Variants in CCDC179 observed in about 807,000 individuals in gnomAD.
The protein encoded by CCDC179 is coiled-coil domain-containing protein 179.
CCDC179 carries 17 observed loss-of-function variants against 12.0 expected under a neutral mutation model. The ratio of observed to expected loss-of-function variants is 1.42; its 90% confidence interval spans 0.97 to 2.13. The LOEUF is 2.13. Among genes scored for constraint, CCDC179 ranks in the 30% most tolerant of loss-of-function variants. The pLI, the probability that CCDC179 is intolerant of heterozygous loss-of-function variation, is 0.00. For missense variants in CCDC179, 83 were observed against 78.6 expected, an observed-to-expected ratio of 1.06 and a Z score of -0.21; for synonymous variants, 27 against 26.4, an observed-to-expected ratio of 1.02 and a Z score of -0.07.
At chr11:22,857,714 T>A (rs1219769381) in intron 3 of CCDC179, among the ~76,000 whole-genome samples, 1 of 151,714 alleles carries the variant, frequency 6.6e-6, no homozygotes, top group African/African-American at 2.4e-5. Context: ...TCAAAGATAA[T>A]CCTCTTTTCA....
At chr11:22,850,962 A>ATTTTTTTTTTTTT (rs1858372777) in intron 3 of CCDC179, among the ~76,000 whole-genome samples, 1 of 6,720 alleles carries the variant, frequency 1.5e-4, no homozygotes, top group East Asian at 6.3e-3. Flanking sequence ...ATATATATAT[A>ATTTTTTTTTTTTT]TATATATATA....
At chr11:22,858,214 A>G in intron 2 of CCDC179, 188 bp from the exon 3 acceptor site, 1 of 422,314 alleles carries the variant, frequency 2.4e-6, no homozygotes, top group Non-Finnish European at 4.2e-6. Flanking sequence ...AGGTGAAGAA[A>G]ACCACATTGG....
intron 3 of CCDC179, among the ~76,000 whole-genome samples, chr11:22,850,977 T>TATATATTTTA (rs67952406): frequency 1.7e-4 from 1 of 5,740 alleles, no homozygotes; most frequent in African/African-American, 4.4e-4. Context: ...TATATATATA[T>TATATATTTTA]TTTTTTTTTT....
At position 22,857,952 on chromosome 11, in the gene CCDC179, C is replaced by T; in HGVS notation, c.165G>A (p.Arg55=). ...EKRRLNKRFS[R]PSPIPEPGLL... ...GTCCTGGTTCTGGAATAGGAGAAGGCCTTGAAAACCTTTTATTCAGTCTCC... is the reference window on the plus strand; with the variant it reads ...GTCCTGGTTCTGGAATAGGAGAAGGTCTTGAAAACCTTTTATTCAGTCTCC... The change falls in exon 3 of 4, where the codon AGG becomes AGA. Residue 55 remains arginine, a synonymous_variant. Transcript: ENST00000532798. 1 of 1,527,092 alleles carries T rather than the reference C, an allele frequency of 6.5e-7. No individual in the cohort carries two copies. Among genetic ancestry groups the T allele is most frequent in the South Asian group, 1.2e-5 (1 of 82,490 alleles). The allele number at this position is 1,527,092 out of a possible 1,614,324, so 94.6% of individuals were successfully genotyped here.
chr11:22,847,901 G>C (rs1464674333), intron 3 of CCDC179, among the ~76,000 whole-genome samples: 1 of 152,022 alleles, frequency 6.6e-6, no homozygotes, highest in Non-Finnish European at 1.5e-5. Flanking sequence ...TGTTAAATAA[G>C]GCTTTTATTT....
chr11:22,860,331 C>A, intron 1 of CCDC179, 46 bp downstream of exon 1: 1 of 1,529,908 alleles, frequency 6.5e-7, no homozygotes, highest in Non-Finnish European at 8.7e-7. Context: ...GCTCAAGGCA[C>A]AGGACAGAGT....
intron 3 of CCDC179, among the ~76,000 whole-genome samples, chr11:22,852,779 G>C (rs1223618568): frequency 6.6e-6 from 1 of 152,184 alleles, no homozygotes; most frequent in African/African-American, 2.4e-5. Context: ...CTGTTTAGCT[G>C]GCTCTATGTG....
intron 2 of CCDC179, among the ~76,000 whole-genome samples, chr11:22,858,645 T>G (rs552923327): frequency 6.6e-6 from 1 of 152,218 alleles, no homozygotes; most frequent in Non-Finnish European, 1.5e-5. Flanking sequence ...GAACAATTGC[T>G]TTGAAAACAG....
Position 22,857,999 on chromosome 11 carries a change from G to A in CCDC179, c.118C>T (p.Gln40Ter). 1.8e-5 allele frequency: 27 copies of A among 1,517,294 alleles called. No individual in the cohort carries two copies. The highest frequency in any genetic ancestry group is 2.4e-5 in the Non-Finnish European group (27 of 1,139,672). The allele number at this position is 1,517,294 out of a possible 1,614,324, so 94.0% of individuals were successfully genotyped here. Residue 40 changes from glutamine (Q) to a stop codon, truncating the protein, a stop_gained, in exon 3 of 4, where the codon CAA becomes TAA. Transcript: ENST00000532798. LOFTEE classifies it high-confidence loss of function. ...QLANKRIQNM[Q>*]HLKKEKRRLN... ...CTCCTCTTCTCTTTCTTTAGGTGTT[G>A]CATATTCTGAATACGTTTATTTGCA...
At chr11:22,856,388 G>A (rs774476166) in intron 3 of CCDC179, among the ~76,000 whole-genome samples, 23 of 151,410 alleles carry the variant, frequency 1.5e-4, no homozygotes, top group Non-Finnish European at 3.0e-4. Flanking sequence ...AATTCATCAC[G>A]TCAAAAGGCT....
intron 3 of CCDC179, among the ~76,000 whole-genome samples, chr11:22,847,976 T>G (rs1293861819): frequency 1.3e-5 from 2 of 152,172 alleles, no homozygotes; most frequent in Non-Finnish European, 1.5e-5. Context: ...AGTGTGTTTA[T>G]GTCTGAAAAT....
chr11:22,853,039 A>T (rs952106068), intron 3 of CCDC179, among the ~76,000 whole-genome samples: 1 of 152,344 alleles, frequency 6.6e-6, no homozygotes, highest in South Asian at 2.1e-4. Flanking sequence ...AGTCCCTAGC[A>T]AGACCAAAAA....
intron 1 of CCDC179, among the ~76,000 whole-genome samples, chr11:22,860,141 C>A (rs2240941): frequency 0.1 from 15,706 of 152,168 alleles, 961 homozygotes; most frequent in South Asian, 0.24. Context: ...ATGGGGCAGT[C>A]AACATACAGG....
chr11:22,852,116 C>G (rs1167978730), intron 3 of CCDC179, among the ~76,000 whole-genome samples: 1 of 152,142 alleles, frequency 6.6e-6, no homozygotes, highest in South Asian at 2.1e-4. Context: ...GCTTTCCTAT[C>G]TCACCTAACA....
chr11:22,848,627 G>C, intron 3 of CCDC179, among the ~76,000 whole-genome samples: 1 of 152,100 alleles, frequency 6.6e-6, no homozygotes, highest in African/African-American at 2.4e-5. Flanking sequence ...CATTTAAATT[G>C]TACAAAAACT....
At chr11:22,847,667 G>A (rs987390627) in intron 3 of CCDC179, 146 bp from the exon 4 acceptor site, 42 of 407,774 alleles carry the variant, frequency 1.0e-4, no homozygotes, top group Middle Eastern at 6.3e-4. Context: ...ATCATTAATA[G>A]CTAGGAATGC....
chr11:22,851,823 T>A (rs747644632), intron 3 of CCDC179, among the ~76,000 whole-genome samples: 9 of 152,174 alleles, frequency 5.9e-5, no homozygotes, highest in Non-Finnish European at 1.3e-4. Context: ...TTAAAAACTC[T>A]GGGTGTAGAG....
intron 3 of CCDC179, among the ~76,000 whole-genome samples, chr11:22,857,046 A>G (rs1347793391): frequency 6.6e-6 from 1 of 151,696 alleles, no homozygotes; most frequent in Non-Finnish European, 1.5e-5. Context: ...GAGAAATTCT[A>G]TGTTAATTTA....
At chr11:22,852,908 T>C (rs1858442624) in intron 3 of CCDC179, among the ~76,000 whole-genome samples, 1 of 152,230 alleles carries the variant, frequency 6.6e-6, no homozygotes, top group Non-Finnish European at 1.5e-5. Flanking sequence ...GACTGAATCC[T>C]AATCATAGGC....
Sources: allele counts gnomAD v4.1 joint callset (sites outside exome capture counted in the v4.1 genomes callset), GRCh38; gene constraint gnomAD v4.1.1; transcripts MANE v1.5; gene names NCBI Gene and HGNC (gene_info 2026-07-23, HGNC 2026-07-21).